Variants in RANBP17 observed in about 807,000 individuals in gnomAD.
The protein encoded by RANBP17 is ran-binding protein 17.
RANBP17 carries 158 observed loss-of-function variants against 141.2 expected under a neutral mutation model. That is an observed-to-expected ratio of 1.12 (90% CI 0.98 to 1.28). The LOEUF (loss-of-function observed/expected upper bound fraction) is 1.28. Among genes scored for constraint, RANBP17 ranks in the 50% most tolerant of loss-of-function variants. RANBP17 has a pLI of 0.00. For missense variants in RANBP17, 1,438 were observed against 1,290.7 expected (o/e 1.11, Z -1.75); for synonymous variants, 430 against 450.0 (o/e 0.96, Z 0.56).
chr5:170,953,570 A>G, intron 12 of RANBP17, 27 bp from the exon 13 acceptor site: 1 of 1,483,028 alleles, frequency 6.7e-7, no homozygotes. Context: ...TACTTACTAA[A>G]CTTTTTTCTT....
At chr5:171,066,651 A>C (rs1311936635) in intron 14 of RANBP17, among the ~76,000 whole-genome samples, 1 of 152,212 alleles carries the variant, frequency 6.6e-6, no homozygotes. Flanking sequence ...ATATTTCTTC[A>C]ACATACCTAT....
intron 21 of RANBP17, among the ~76,000 whole-genome samples, chr5:171,218,091 CTT>C (rs1226416992): frequency 1.3e-5 from 2 of 152,154 alleles, no homozygotes; most frequent in Non-Finnish European, 2.9e-5. Flanking sequence ...TACGTTGTCT[CTT>C]TGTTCTCATT....
chr5:171,158,622 AC>A (rs1311578110), intron 14 of RANBP17: 1 of 167,880 alleles, frequency 6.0e-6, no homozygotes, highest in East Asian at 1.1e-4. Flanking sequence ...TTTTGTTGTA[AC>A]CTTTTTTTTT....
chr5:171,237,758 C>T (rs1053683832), intron 22 of RANBP17, among the ~76,000 whole-genome samples: 6 of 152,262 alleles, frequency 3.9e-5, no homozygotes, highest in South Asian at 4.2e-4. Context: ...TCCATCAGTG[C>T]AATGTAGATC....
intron 14 of RANBP17, among the ~76,000 whole-genome samples, chr5:171,051,365 G>GT (rs1191201907): frequency 1.3e-5 from 2 of 152,020 alleles, no homozygotes; most frequent in African/African-American, 4.8e-5. Flanking sequence ...GAAATACTTT[G>GT]TACCTATTAA....
rs925156572 is a variant in RANBP17, at chr5:170,959,142, G to A, written c.1574+5440G>A. Among the ~76,000 whole-genome samples, 43 of 152,236 alleles carry A rather than the reference G, an allele frequency of 2.8e-4. 1 individual carries two copies. The highest frequency in any genetic ancestry group is 9.9e-4 in the African/African-American group (41 of 41,522). ...TCTTTCAGACCTATTCTACTTAGCTGTGCCACCCTGTGTCTCTCATTGCTC... is the reference window on the plus strand; with the variant it reads ...TCTTTCAGACCTATTCTACTTAGCTATGCCACCCTGTGTCTCTCATTGCTC... On this transcript the variant is annotated intron_variant, in intron 13 of 27. Coordinates refer to ENST00000523189, the MANE Select transcript of RANBP17 (RefSeq NM_022897.5).
At chr5:171,102,417 TC>T (rs1163040344) in intron 14 of RANBP17, among the ~76,000 whole-genome samples, 1 of 152,196 alleles carries the variant, frequency 6.6e-6, no homozygotes, top group East Asian at 1.9e-4. Flanking sequence ...TTCACAAACT[TC>T]TCGTGCTGTT....
intron 14 of RANBP17, among the ~76,000 whole-genome samples, chr5:171,027,398 A>G (rs1174933474): frequency 6.6e-6 from 1 of 152,202 alleles, no homozygotes; most frequent in Non-Finnish European, 1.5e-5. Flanking sequence ...AAGTATTAAT[A>G]TAGGTGGAAT....
intron 14 of RANBP17, among the ~76,000 whole-genome samples, chr5:171,029,762 ATTT>A (rs1198412558): frequency 1.3e-5 from 2 of 151,994 alleles, no homozygotes; most frequent in Admixed American, 6.6e-5. Context: ...TTTCAAAAAA[ATTT>A]TTTTATTTGA....
intron 18 of RANBP17, among the ~76,000 whole-genome samples, chr5:171,186,008 C>G (rs1761210366): frequency 6.6e-6 from 1 of 152,142 alleles, no homozygotes; most frequent in Non-Finnish European, 1.5e-5. Context: ...GTGCTGTCAT[C>G]CAGGCTTTGT....
At chr5:170,900,506 A>T (rs905719526) in intron 5 of RANBP17, among the ~76,000 whole-genome samples, 1 of 151,344 alleles carries the variant, frequency 6.6e-6, no homozygotes, top group Non-Finnish European at 1.5e-5. Context: ...TCGTGTCTCT[A>T]TCTCCTTCAG....
At chr5:171,250,027 AC>A (rs1260112429) in intron 24 of RANBP17, among the ~76,000 whole-genome samples, 2 of 152,242 alleles carry the variant, frequency 1.3e-5, no homozygotes, top group African/African-American at 4.8e-5. Flanking sequence ...GCATCTAGTT[AC>A]CTATAAAAGG....
At chr5:171,088,519 G>T (rs1314677509) in intron 14 of RANBP17, among the ~76,000 whole-genome samples, 1 of 152,146 alleles carries the variant, frequency 6.6e-6, no homozygotes, top group Non-Finnish European at 1.5e-5. Context: ...TGCCTTGCTA[G>T]ATTGGGGAAG....
At chr5:170,900,934 G>A (rs1268389822) in intron 5 of RANBP17, among the ~76,000 whole-genome samples, 2 of 152,142 alleles carry the variant, frequency 1.3e-5, no homozygotes, top group Admixed American at 6.6e-5. Flanking sequence ...TTCCAATTAT[G>A]TGTCAATTTT....
At chr5:170,922,759 GA>G (rs2127443149) in intron 11 of RANBP17, among the ~76,000 whole-genome samples, 1 of 152,206 alleles carries the variant, frequency 6.6e-6, no homozygotes, top group East Asian at 1.9e-4. Context: ...GAAATCCCCT[GA>G]CCCCTTGCGC....
In RANBP17 at chr5:171,178,940, G is replaced by T. The variant is rs189162535; in HGVS notation, c.1866-4227G>T. Among the ~76,000 whole-genome samples the T allele has an allele frequency of 1.8e-3, 272 of 152,272 alleles. 1 individual carries two copies. The highest frequency in any genetic ancestry group is 6.1e-3 in the African/African-American group (252 of 41,566). ...ATATTAGCCCTTCATCAGATGGATAGATTGCAAACATTTTTCTCTCATTCT... is the reference window on the plus strand; with the variant it reads ...ATATTAGCCCTTCATCAGATGGATATATTGCAAACATTTTTCTCTCATTCT... On this transcript the variant is annotated intron_variant, in intron 16 of 27. Coordinates refer to ENST00000523189, the MANE Select transcript of RANBP17 (RefSeq NM_022897.5).
At chr5:171,278,532 C>G (rs1767669498) in intron 25 of RANBP17, among the ~76,000 whole-genome samples, 1 of 152,102 alleles carries the variant, frequency 6.6e-6, no homozygotes, top group Non-Finnish European at 1.5e-5. Flanking sequence ...TGGTCAGCCA[C>G]TAGTCCTCAC....
chr5:170,902,076 G>A (rs571819413), intron 5 of RANBP17, among the ~76,000 whole-genome samples: 9 of 152,172 alleles, frequency 5.9e-5, no homozygotes, highest in East Asian at 1.9e-4. Flanking sequence ...CTGTCTTGGC[G>A]GGTTGGGGAA....
intron 14 of RANBP17, among the ~76,000 whole-genome samples, chr5:171,026,163 T>C (rs1344769812): frequency 6.6e-6 from 1 of 152,232 alleles, no homozygotes; most frequent in African/African-American, 2.4e-5. Context: ...GGGAGAAATT[T>C]GGTAAAGAAT....
Sources: gnomAD v4.1 joint callset for allele counts (sites outside exome capture counted in the v4.1 genomes callset) on GRCh38, gnomAD v4.1.1 for gene constraint, MANE v1.5 for transcripts, NCBI Gene and HGNC (gene_info 2026-07-23, HGNC 2026-07-21) for gene names.